The following UNC13C variants were observed in gnomAD, a reference collection of about 807,000 sequenced individuals.
UNC13C encodes the protein unc-13 homolog C.
A neutral mutation model predicts 245.4 loss-of-function variants in UNC13C; 174 were observed. The ratio of observed to expected loss-of-function variants is 0.71; its 90% CI spans 0.63 to 0.80. UNC13C has a LOEUF of 0.80. Among genes scored for constraint, UNC13C ranks in the 30% least tolerant of loss-of-function variants. The pLI is 0.00. For missense variants in UNC13C, 2,829 were observed against 2,602.9 expected, an observed-to-expected ratio of 1.09 and a Z score of -1.89; for synonymous variants, 992 against 895.1, an observed-to-expected ratio of 1.11 and a Z score of -1.93.
chr15:54,440,830 A>C (rs1890483374), intron 19 of UNC13C, among the ~76,000 whole-genome samples: 1 of 151,842 alleles, frequency 6.6e-6, no homozygotes, highest in African/African-American at 2.4e-5. Flanking sequence ...ATCATTTTTT[A>C]ATCTTTTTAA....
At chr15:54,029,562 G>C (rs1035976698) in intron 2 of UNC13C, among the ~76,000 whole-genome samples, 5 of 152,116 alleles carry the variant, frequency 3.3e-5, no homozygotes, top group Non-Finnish European at 7.4e-5. Context: ...AAGTAGAAGA[G>C]AAGACACAGA....
In UNC13C at chr15:54,013,903, G is replaced by A. The variant is rs763702163; in HGVS notation, c.1000G>A (p.Val334Ile). Residue 334 changes from valine to isoleucine, a missense_variant, in exon 2 of 33, where the codon GTT (valine) becomes ATT (isoleucine). Physicochemically the swap from Val to Ile is conservative, Grantham distance 29. Coordinates refer to ENST00000260323, the MANE Select transcript of UNC13C (RefSeq NM_001080534.3). ...LNVTEERFEY[V>I]ESVVYQILID... ...TGTGACTGAAGAAAGATTTGAATAT[G>A]TTGAAAGCGTGGTGTACCAAATTCT... 2 of 1,613,240 alleles carry A rather than the reference G, an allele frequency of 1.2e-6. No homozygotes were observed. The highest frequency in any genetic ancestry group is 1.3e-5 in the African/African-American group (1 of 74,824).
At chr15:54,261,536 G>A (rs971229013) in intron 8 of UNC13C, among the ~76,000 whole-genome samples, 3 of 151,656 alleles carry the variant, frequency 2.0e-5, no homozygotes, top group African/African-American at 7.3e-5. Context: ...GTTTTGTTTT[G>A]TTTTGTTTTG....
chr15:54,410,118 AATG>A (rs2040387447), intron 18 of UNC13C, among the ~76,000 whole-genome samples: 1 of 152,148 alleles, frequency 6.6e-6, no homozygotes, highest in African/African-American at 2.4e-5. Flanking sequence ...GCATTTCCGT[AATG>A]ATTAGTAACA....
intron 2 of UNC13C, among the ~76,000 whole-genome samples, chr15:54,027,627 T>A (rs956846364): frequency 6.6e-6 from 1 of 152,116 alleles, no homozygotes; most frequent in South Asian, 2.1e-4. Context: ...TGCCTCTGCC[T>A]CCCCAAGTGC....
intron 30 of UNC13C, among the ~76,000 whole-genome samples, chr15:54,621,625 T>C (rs573171042): frequency 6.6e-6 from 1 of 152,136 alleles, no homozygotes; most frequent in Non-Finnish European, 1.5e-5. Context: ...AAAGATATGT[T>C]AATGTGAATA....
At chr15:54,465,822 A>C (rs976885826) in intron 19 of UNC13C, among the ~76,000 whole-genome samples, 5 of 152,042 alleles carry the variant, frequency 3.3e-5, no homozygotes, top group African/African-American at 1.2e-4. Flanking sequence ...CATAAGAAGC[A>C]ATGTAAGGAG....
intron 11 of UNC13C, among the ~76,000 whole-genome samples, chr15:54,294,594 T>A (rs2037382995): frequency 6.6e-6 from 1 of 152,190 alleles, no homozygotes; most frequent in East Asian, 1.9e-4. Flanking sequence ...ATTTAAAAAA[T>A]TATTATGGAA....
rs540279596 is a variant in UNC13C at position 54,466,240 on chromosome 15, G to T, written c.4934-28368G>T. On this transcript the variant is annotated intron_variant, in intron 19 of 32. Coordinates refer to ENST00000260323, the MANE Select transcript of UNC13C (RefSeq NM_001080534.3). Reference sequence around the variant, plus strand: ...GGTACAAAAATACAATTAGATAGAAGAAATAACTTCTAGAGTTTGATAGCT... The same window carrying T: ...GGTACAAAAATACAATTAGATAGAATAAATAACTTCTAGAGTTTGATAGCT... Among the ~76,000 whole-genome samples the T allele has an allele frequency of 2.0e-4, 30 of 151,978 alleles. No individual in the cohort carries two copies. In the East Asian group the frequency reaches 5.8e-3, roughly 29 times the overall value.
intron 30 of UNC13C, among the ~76,000 whole-genome samples, chr15:54,576,427 T>A (rs550774686): frequency 4.6e-5 from 7 of 152,242 alleles, no homozygotes; most frequent in Non-Finnish European, 1.0e-4. Flanking sequence ...CAGGAGATGA[T>A]CTTTAAGCTG....
At chr15:53,959,137 T>C in the UNC13C span, among the ~76,000 whole-genome samples, 1 of 152,226 alleles carries the variant, frequency 6.6e-6, no homozygotes, top group African/African-American at 2.4e-5. Context: ...CATTCTTTTT[T>C]ATGGCTGAAT....
chr15:54,066,437 C>T (rs1279281712), intron 2 of UNC13C, among the ~76,000 whole-genome samples: 1 of 152,114 alleles, frequency 6.6e-6, no homozygotes, highest in East Asian at 1.9e-4. Flanking sequence ...TGTTTTCAAA[C>T]ATTTTGTTTT....
intron 24 of UNC13C, among the ~76,000 whole-genome samples, chr15:54,518,347 C>T (rs1472193067): frequency 2.6e-5 from 4 of 152,146 alleles, no homozygotes; most frequent in Non-Finnish European, 5.9e-5. Flanking sequence ...TTGTTAACCT[C>T]ATTTCCCAGA....
chr15:53,845,896 A>G, the UNC13C span, among the ~76,000 whole-genome samples: 2 of 152,062 alleles, frequency 1.3e-5, no homozygotes, highest in African/African-American at 4.8e-5. Context: ...CCCGCTTAGG[A>G]TGGTTTGACT....
chr15:54,118,965 C>A (rs1338608424), intron 2 of UNC13C, among the ~76,000 whole-genome samples: 1 of 150,418 alleles, frequency 6.6e-6, no homozygotes, highest in African/African-American at 2.4e-5. Context: ...TATCTTGAAC[C>A]ATACTACTTG....
At chr15:54,344,337 C>A (rs1403552008) in intron 17 of UNC13C, among the ~76,000 whole-genome samples, 2 of 152,022 alleles carry the variant, frequency 1.3e-5, no homozygotes, top group Non-Finnish European at 2.9e-5. Flanking sequence ...AGCAAACGTG[C>A]CCCTAACAAA....
chr15:54,490,105 G>A (rs1046439197), intron 19 of UNC13C, among the ~76,000 whole-genome samples: 7 of 152,026 alleles, frequency 4.6e-5, no homozygotes, highest in African/African-American at 1.7e-4. Context: ...AATTCCCATG[G>A]GTTTAGAAGC....
At chr15:54,189,666 T>A (rs974048882) in intron 4 of UNC13C, among the ~76,000 whole-genome samples, 6 of 152,178 alleles carry the variant, frequency 3.9e-5, no homozygotes, top group Admixed American at 1.3e-4. Context: ...GGAAACAAGA[T>A]AATTAAGATA....
intron 2 of UNC13C, among the ~76,000 whole-genome samples, chr15:54,016,283 A>C (rs997005280): frequency 1.3e-5 from 2 of 152,168 alleles, no homozygotes; most frequent in Non-Finnish European, 2.9e-5. Flanking sequence ...GTTTACAGGG[A>C]TGGAGAAAAA....
Sources: allele counts gnomAD v4.1 joint callset (sites outside exome capture counted in the v4.1 genomes callset), GRCh38; gene constraint gnomAD v4.1.1; transcripts MANE v1.5; gene names NCBI Gene and HGNC (gene_info 2026-07-23, HGNC 2026-07-21).